The following ZPBP variants were observed in gnomAD, a reference collection of about 807,000 sequenced individuals.
The protein encoded by ZPBP is zona pellucida binding protein.
In ZPBP, 26 loss-of-function variants were observed where a neutral mutation model predicts 44.8. The ratio of observed to expected loss-of-function variants is 0.58; its 90% CI spans 0.43 to 0.81. The LOEUF is 0.81. ZPBP is among the 30% of genes least tolerant of loss of function. The pLI is 0.00. For missense variants in ZPBP, 409 were observed against 434.0 expected, an observed-to-expected ratio of 0.94 and a Z score of 0.51; for synonymous variants, 174 against 153.2, an observed-to-expected ratio of 1.14 and a Z score of -1.00.
Position 50,088,761 on chromosome 7 carries a change from A to G in ZPBP, c.208+868T>C, listed in dbSNP as rs143285663. ...TAAAAAAAGAAGATGGATAATAACAATGTTTAGGATATTGGAAAATCTGAA... is the reference window on the plus strand; with the variant it reads ...TAAAAAAAGAAGATGGATAATAACAGTGTTTAGGATATTGGAAAATCTGAA... On this transcript the variant is annotated intron_variant, in intron 2 of 7. Coordinates refer to ENST00000046087, the MANE Select transcript of ZPBP (RefSeq NM_007009.3). Among the ~76,000 whole-genome samples, 712 of 152,106 alleles carry G rather than the reference A, an allele frequency of 4.7e-3. 4 individuals are homozygous for G. The highest frequency in any genetic ancestry group is 0.016 in the African/African-American group (661 of 41,558).
chr7:49,922,489 A>G (rs1469745104), intron 1 of ZPBP, among the ~76,000 whole-genome samples: 1 of 152,196 alleles, frequency 6.6e-6, no homozygotes, highest in East Asian at 1.9e-4. Flanking sequence ...GCAACTGGAA[A>G]ATCTGGGCAG....
At chr7:49,913,111 C>T (rs947460357) in intron 1 of ZPBP, 2 of 152,178 alleles carry the variant, frequency 1.3e-5, no homozygotes, top group African/African-American at 4.8e-5. Flanking sequence ...ACTCAGCTGT[C>T]AGTTCAGTGG....
intron 7 of ZPBP, among the ~76,000 whole-genome samples, chr7:49,949,751 T>C (rs2128757673): frequency 6.6e-6 from 1 of 152,154 alleles, no homozygotes; most frequent in South Asian, 2.1e-4. Flanking sequence ...TGCCACTGTG[T>C]ATTTAAATTA....
chr7:50,005,821 A>ATGTGTGTGTGTGTG (rs1384784137), intron 6 of ZPBP, among the ~76,000 whole-genome samples: 5 of 105,912 alleles, frequency 4.7e-5, no homozygotes, highest in African/African-American at 1.8e-4. Flanking sequence ...TCATAACTAT[A>ATGTGTGTGTGTGTG]TATGTGTGTG....
chr7:50,004,953 G>A (rs115718012), intron 6 of ZPBP, among the ~76,000 whole-genome samples: 1 of 151,574 alleles, frequency 6.6e-6, no homozygotes, highest in Admixed American at 6.6e-5. Context: ...ATAAAGCTCA[G>A]TGAATGCTAA....
At chr7:50,063,327 C>T (rs1801340877) in intron 3 of ZPBP, among the ~76,000 whole-genome samples, 1 of 152,158 alleles carries the variant, frequency 6.6e-6, no homozygotes, top group South Asian at 2.1e-4. Flanking sequence ...CTGTTCCATT[C>T]CCCCATTTGG....
At chr7:49,973,940 ATATGT>A (rs1796399305) in intron 7 of ZPBP, among the ~76,000 whole-genome samples, 1 of 152,330 alleles carries the variant, frequency 6.6e-6, no homozygotes, top group East Asian at 1.9e-4. Flanking sequence ...ATGAACAGGT[ATATGT>A]AGTAGATATT....
At chr7:50,076,913 G>C (rs570156756) in intron 3 of ZPBP, among the ~76,000 whole-genome samples, 1 of 151,860 alleles carries the variant, frequency 6.6e-6, no homozygotes, top group South Asian at 2.1e-4. Context: ...AAATTATATG[G>C]AACCACAGAA....
At chr7:50,066,099 G>A (rs1356948871) in intron 3 of ZPBP, among the ~76,000 whole-genome samples, 1 of 150,818 alleles carries the variant, frequency 6.6e-6, no homozygotes, top group Non-Finnish European at 1.5e-5. Context: ...CAGATGTTTA[G>A]GGCTGCTGCT....
intron 7 of ZPBP, among the ~76,000 whole-genome samples, chr7:49,941,645 C>A (rs1794888819): frequency 6.6e-6 from 1 of 151,906 alleles, no homozygotes; most frequent in African/African-American, 2.4e-5. Flanking sequence ...CAAGAAGACA[C>A]AAATAAATAG....
rs151176168 is a variant in ZPBP at position 50,011,234 on chromosome 7, C to G, written c.783+7006G>C. Among the ~76,000 whole-genome samples the G allele has an allele frequency of 3.7e-4, 57 of 152,274 alleles. 2 individuals are homozygous for G. The East Asian group carries it at 0.011, about 29-fold the overall frequency. ...CAACTCAATATGGATCAAAAACTTA[C>G]ATCTAAGACCTGAAACGATAAAAAT... On this transcript the variant is annotated intron_variant, in intron 6 of 7. Coordinates refer to ENST00000046087, the MANE Select transcript of ZPBP (RefSeq NM_007009.3).
At chr7:50,079,621 AG>A (rs1802266531) in intron 3 of ZPBP, among the ~76,000 whole-genome samples, 1 of 151,686 alleles carries the variant, frequency 6.6e-6, no homozygotes, top group African/African-American at 2.4e-5. Context: ...GAATAAGTTC[AG>A]GAGACCTAAT....
At chr7:49,867,803 A>G (rs2128722245) in intron 2 of ZPBP, among the ~76,000 whole-genome samples, 1 of 151,758 alleles carries the variant, frequency 6.6e-6, no homozygotes, top group African/African-American at 2.4e-5. Flanking sequence ...TATTTAAGGA[A>G]AGTTACATTA....
intron 4 of ZPBP, among the ~76,000 whole-genome samples, chr7:50,038,534 G>T (rs1019659110): frequency 1.3e-5 from 2 of 152,176 alleles, no homozygotes; most frequent in Non-Finnish European, 2.9e-5. Flanking sequence ...TCATCTGAGT[G>T]AGTATGTTTA....
intron 3 of ZPBP, among the ~76,000 whole-genome samples, chr7:50,060,968 C>T (rs758942772): frequency 5.3e-5 from 8 of 152,200 alleles, no homozygotes; most frequent in Non-Finnish European, 1.0e-4. Flanking sequence ...TCATCACAAT[C>T]AAGTAGGGTT....
At chr7:50,002,614 A>C (rs1257650918) in intron 6 of ZPBP, among the ~76,000 whole-genome samples, 1 of 152,234 alleles carries the variant, frequency 6.6e-6, no homozygotes, top group Non-Finnish European at 1.5e-5. Flanking sequence ...AAAGTATCTG[A>C]AGATCACACC....
chr7:50,002,626 G>A (rs1798147959), intron 6 of ZPBP, among the ~76,000 whole-genome samples: 1 of 152,110 alleles, frequency 6.6e-6, no homozygotes, highest in South Asian at 2.1e-4. Flanking sequence ...GATCACACCA[G>A]GTCAGAAATG....
chr7:49,953,260 C>T (rs1795427814), intron 7 of ZPBP, among the ~76,000 whole-genome samples: 1 of 151,928 alleles, frequency 6.6e-6, no homozygotes. Context: ...ACAGAGAACC[C>T]CGGAGATTAG....
intron 7 of ZPBP, among the ~76,000 whole-genome samples, chr7:49,938,383 C>T (rs1480016316): frequency 1.3e-5 from 2 of 152,172 alleles, no homozygotes; most frequent in Non-Finnish European, 2.9e-5. Context: ...TAAATGATGA[C>T]ATCTACTACT....
Sources: allele counts gnomAD v4.1 joint callset (sites outside exome capture counted in the v4.1 genomes callset), GRCh38; gene constraint gnomAD v4.1.1; transcripts MANE v1.5; gene names NCBI Gene and HGNC (gene_info 2026-07-23, HGNC 2026-07-21).